The following CACNA2D3 variants were observed in gnomAD, a reference collection of about 807,000 sequenced individuals.
CACNA2D3 encodes calcium voltage-gated channel auxiliary subunit alpha2delta 3.
Under a neutral mutation model 160.6 loss-of-function variants are expected in CACNA2D3, and 60 were observed. That is an observed-to-expected ratio of 0.37 (90% CI 0.30 to 0.46). The LOEUF (loss-of-function observed/expected upper bound fraction) is 0.46, where lower values mean the gene tolerates loss of function less well. Ranked by LOEUF, CACNA2D3 falls within the 20% of genes least tolerant of loss-of-function variation. CACNA2D3 has a pLI of 1.00. For synonymous variants in CACNA2D3, 558 were observed against 492.9 expected (o/e 1.13, Z -1.75); for missense variants, 1,205 against 1,365.0 (o/e 0.88, Z 1.85).
chr3:54,694,041 T>A (rs1700616418), intron 11 of CACNA2D3, among the ~76,000 whole-genome samples: 1 of 152,184 alleles, frequency 6.6e-6, no homozygotes, highest in Non-Finnish European at 1.5e-5. Context: ...TACAGGAATA[T>A]CCTAGGCCTT....
intron 4 of CACNA2D3, among the ~76,000 whole-genome samples, chr3:54,454,352 A>G (rs567854691): frequency 6.6e-6 from 1 of 152,082 alleles, no homozygotes; most frequent in Non-Finnish European, 1.5e-5. Context: ...CACCCCCAAA[A>G]GTTCTCTTGT....
intron 13 of CACNA2D3, among the ~76,000 whole-genome samples, chr3:54,806,559 C>G (rs1183841054): frequency 1.3e-5 from 2 of 151,758 alleles, no homozygotes; most frequent in Non-Finnish European, 2.9e-5. Context: ...AAAGAGGATA[C>G]AAACAAATGG....
At chr3:54,332,986 A>G (rs905237331) in intron 3 of CACNA2D3, among the ~76,000 whole-genome samples, 3 of 152,150 alleles carry the variant, frequency 2.0e-5, no homozygotes, top group Non-Finnish European at 4.4e-5. Flanking sequence ...AGTGAAGCCA[A>G]ACATACACCA....
intron 17 of CACNA2D3, among the ~76,000 whole-genome samples, chr3:54,853,088 G>C (rs1258263541): frequency 6.6e-6 from 1 of 151,962 alleles, no homozygotes; most frequent in Admixed American, 6.6e-5. Flanking sequence ...TCTTGTCCCA[G>C]GTACACCTTT....
At chr3:54,286,126 A>G (rs569114019) in intron 2 of CACNA2D3, among the ~76,000 whole-genome samples, 1 of 152,070 alleles carries the variant, frequency 6.6e-6, no homozygotes. Flanking sequence ...CGATCAAACT[A>G]CTCCGAGCTA....
chr3:54,319,157 G>C (rs1397244290), intron 2 of CACNA2D3, among the ~76,000 whole-genome samples: 1 of 138,878 alleles, frequency 7.2e-6, no homozygotes, highest in Non-Finnish European at 1.5e-5. Flanking sequence ...AGCATTTTGT[G>C]ACACACACAC....
At chr3:54,241,990 G>GC (rs1460358146) in intron 2 of CACNA2D3, among the ~76,000 whole-genome samples, 2 of 152,064 alleles carry the variant, frequency 1.3e-5, no homozygotes, top group Non-Finnish European at 2.9e-5. Flanking sequence ...ACATTCCAGG[G>GC]CCCCCAGTGG....
chr3:54,772,933 G>A (rs941045378), intron 13 of CACNA2D3, among the ~76,000 whole-genome samples: 5 of 152,198 alleles, frequency 3.3e-5, no homozygotes, highest in Admixed American at 6.5e-5. Flanking sequence ...CCCTCCAGGG[G>A]AGTTTACACA....
At chr3:54,941,382 T>C (rs2106984985) in intron 27 of CACNA2D3, among the ~76,000 whole-genome samples, 1 of 152,308 alleles carries the variant, frequency 6.6e-6, no homozygotes, top group Non-Finnish European at 1.5e-5. Flanking sequence ...GAGAGTATTC[T>C]TACACATGCA....
At chr3:54,896,038 A>G (rs1242874058) in intron 25 of CACNA2D3, among the ~76,000 whole-genome samples, 1 of 152,188 alleles carries the variant, frequency 6.6e-6, no homozygotes. Context: ...AAAAGCTTGC[A>G]TGTGTTTCTG....
chr3:54,359,109 C>T (rs1698699840), intron 3 of CACNA2D3, among the ~76,000 whole-genome samples: 1 of 152,070 alleles, frequency 6.6e-6, no homozygotes, highest in African/African-American at 2.4e-5. Context: ...GAATGTATTG[C>T]ACTAGCTTAG....
Position 54,461,010 on chromosome 3 carries a change from C to T in CACNA2D3, c.382-42482C>T, listed in dbSNP as rs929637930. 4.0e-5 allele frequency among the ~76,000 whole-genome samples: 6 copies of T among 148,476 alleles called. No individual in the cohort carries two copies. The East Asian group carries it at 9.7e-4, about 24-fold the overall frequency. Reference sequence around the variant, plus strand: ...AGAGTTGTTGAATTTTGTCAAAGGCCTTTTCTGCATCTATTGAGATAATCA... The same window carrying T: ...AGAGTTGTTGAATTTTGTCAAAGGCTTTTTCTGCATCTATTGAGATAATCA... On this transcript the variant is annotated intron_variant, in intron 4 of 37. Transcript: ENST00000474759.
intron 2 of CACNA2D3, among the ~76,000 whole-genome samples, chr3:54,218,646 A>G (rs1326823562): frequency 6.6e-6 from 1 of 152,244 alleles, no homozygotes; most frequent in Non-Finnish European, 1.5e-5. Flanking sequence ...TCACAAACCT[A>G]GTGGCTTAAA....
At chr3:54,777,541 T>C (rs1702447286) in intron 13 of CACNA2D3, among the ~76,000 whole-genome samples, 1 of 152,242 alleles carries the variant, frequency 6.6e-6, no homozygotes, top group African/African-American at 2.4e-5. Flanking sequence ...ATTTTCATTA[T>C]GTTTAATCTA....
chr3:54,486,976 C>A (rs551933848), intron 4 of CACNA2D3, among the ~76,000 whole-genome samples: 1 of 152,238 alleles, frequency 6.6e-6, no homozygotes, highest in Non-Finnish European at 1.5e-5. Flanking sequence ...GAGTGACGCA[C>A]TTCCATATGC....
chr3:54,911,140 C>T (rs1388873730), intron 27 of CACNA2D3, among the ~76,000 whole-genome samples: 2 of 152,060 alleles, frequency 1.3e-5, no homozygotes, highest in African/African-American at 2.4e-5. Context: ...ATAAGGACTT[C>T]TTTGGATTTT....
intron 17 of CACNA2D3, among the ~76,000 whole-genome samples, chr3:54,856,458 T>C (rs1173299855): frequency 1.3e-5 from 2 of 152,088 alleles, no homozygotes; most frequent in African/African-American, 4.8e-5. Flanking sequence ...TTTCCTCCCA[T>C]CTTTCCCTCC....
intron 18 of CACNA2D3, chr3:54,876,128 A>G (rs1054999320): frequency 6.6e-6 from 1 of 152,044 alleles, no homozygotes; most frequent in African/African-American, 2.4e-5. Context: ...ACTGTTGTAA[A>G]TCCAAGCAGT....
At chr3:54,667,858 G>T (rs1356449247) in intron 11 of CACNA2D3, among the ~76,000 whole-genome samples, 1 of 151,570 alleles carries the variant, frequency 6.6e-6, no homozygotes, top group Non-Finnish European at 1.5e-5. Context: ...AAAGCAGGAG[G>T]ATCACCTGAG....
Sources: gnomAD v4.1 joint callset for allele counts (sites outside exome capture counted in the v4.1 genomes callset) on GRCh38, gnomAD v4.1.1 for gene constraint, MANE v1.5 for transcripts, NCBI Gene and HGNC (gene_info 2026-07-23, HGNC 2026-07-21) for gene names.